Variants in GRK6 observed in about 807,000 individuals in gnomAD.
GRK6 encodes G protein-coupled receptor kinase 6.
GRK6 carries 37 observed loss-of-function variants against 80.8 expected under a neutral mutation model. That is an observed-to-expected ratio of 0.46 (90% CI 0.35 to 0.60). The LOEUF (loss-of-function observed/expected upper bound fraction) is 0.60. Ranked by LOEUF, GRK6 falls within the 20% of genes least tolerant of loss-of-function variation. The pLI is 0.00. For missense variants in GRK6, 560 were observed against 784.6 expected (o/e 0.71, Z 3.42); for synonymous variants, 295 against 320.9 (o/e 0.92, Z 0.86).
chr5:177,435,250 T>C (rs1581682617), intron 11 of GRK6, 129 bp downstream of exon 11: 2 of 664,796 alleles, frequency 3.0e-6, no homozygotes, highest in East Asian at 5.5e-5. Context: ...ATGCCGATGC[T>C]CCTCTTCTAG....
At chr5:177,430,757 T>C in intron 1 of GRK6, 115 bp from the exon 2 acceptor site, 1 of 806,968 alleles carries the variant, frequency 1.2e-6, no homozygotes, top group East Asian at 2.6e-5. Flanking sequence ...CCTGAGGTGC[T>C]GTTCTGCCTC....
rs1764465916 is a variant in GRK6, at chr5:177,441,037, G to A, written c.1661G>A (p.Arg554Lys). The change falls in exon 15 of 16, where the codon AGA (arginine) becomes AAA (lysine). Residue 554 changes from arginine (R) to lysine (K), a missense_variant. Around this residue, in one of 3 missense-constraint regions of GRK6, gnomAD observed 294 missense variants for 397.4 expected, o/e 0.74. Coordinates refer to ENST00000355472, the MANE Select transcript of GRK6 (RefSeq NM_001004106.3). ...PAPPKKGLLQ[R>K]LFSRQDCCGN... ...CCTCCTAAAAAGGGACTGCTGCAGA[G>A]ACTCTTCAGTCGCCAAGTAAGCCCC... The A allele has an allele frequency of 1.9e-6, 3 of 1,613,802 alleles. No individual in the cohort carries two copies. The highest frequency in any genetic ancestry group is 2.5e-6 in the Non-Finnish European group (3 of 1,179,956).
rs923992117 is a variant in GRK6 at position 177,428,036 on chromosome 5, C to T, written c.52+1139C>T. ...CAGCTGGGTGCTACACCTGGCACCC[C>T]GTGCCCACCAAGTGCTCTGGCGAGG... On this transcript the variant is annotated intron_variant, in intron 1 of 15. Transcript: ENST00000355472. This position sits in a 1 kb window ranked among gnomAD's most constrained non-coding sequence, Gnocchi z 4.1. Among the ~76,000 whole-genome samples, 1 of 152,234 alleles carries T rather than the reference C, an allele frequency of 6.6e-6. No individual in the cohort carries two copies. The highest frequency in any genetic ancestry group is 1.5e-5 in the Non-Finnish European group (1 of 68,036).
chr5:177,427,284 G>A (rs1763712773), intron 1 of GRK6, among the ~76,000 whole-genome samples: 1 of 152,216 alleles, frequency 6.6e-6, no homozygotes, highest in South Asian at 2.1e-4. Flanking sequence ...CTAATCCCGC[G>A]CAAAGTTGGC....
chr5:177,437,538 C>T (rs1275426227), intron 13 of GRK6, among the ~76,000 whole-genome samples: 2 of 152,194 alleles, frequency 1.3e-5, no homozygotes, highest in African/African-American at 4.8e-5. Flanking sequence ...ACCCAGCAGG[C>T]AAGAGTATCC....
chr5:177,430,788 C>A, intron 1 of GRK6, 84 bp from the exon 2 acceptor site: 2 of 1,220,928 alleles, frequency 1.6e-6, no homozygotes, highest in Non-Finnish European at 2.4e-6. Flanking sequence ...TGGCTGGGCC[C>A]TAGAGGCCGT....
intron 13 of GRK6, chr5:177,436,731 A>G: frequency 1.7e-6 from 1 of 584,740 alleles, no homozygotes; most frequent in Non-Finnish European, 3.0e-6. Context: ...TGGGGCTTGG[A>G]GCCTCTGACA....
In GRK6 at chr5:177,442,485, C is replaced by G. The variant is rs950921245; in HGVS notation, c.*695C>G. ...GCCTTCCAGCTCCCACAGCCTGGTC[C>G]CTGATACTGGGCTCTGTCCTGCAGA... On this transcript the variant is annotated 3_prime_UTR_variant, in exon 16 of 16. Transcript: ENST00000355472. 2.0e-5 allele frequency: 3 copies of G among 153,072 alleles called. No individual in the cohort carries two copies. Among genetic ancestry groups the G allele is most frequent in the African/African-American group, 7.2e-5 (3 of 41,474 alleles). 9.5% of individuals were successfully genotyped at this position (153,072 alleles called of 1,614,324 possible).
chr5:177,434,590 TAG>T (rs1303670372), intron 9 of GRK6, among the ~76,000 whole-genome samples: 1 of 152,120 alleles, frequency 6.6e-6, no homozygotes, highest in Non-Finnish European at 1.5e-5. Flanking sequence ...TCCCATTTGA[TAG>T]AGAGGAAAGG....
intron 13 of GRK6, among the ~76,000 whole-genome samples, chr5:177,439,758 C>G (rs770602763): frequency 6.6e-6 from 1 of 152,158 alleles, no homozygotes; most frequent in Non-Finnish European, 1.5e-5. Context: ...CATGTCATAG[C>G]TATGGCATCA....
intron 1 of GRK6, 102 bp downstream of exon 1, chr5:177,426,999 C>T (rs1763699376): frequency 7.3e-6 from 5 of 688,630 alleles, no homozygotes; most frequent in South Asian, 5.8e-5. Flanking sequence ...CCTAGGCCCG[C>T]GGGCCCTGCG....
At position 177,436,140 on chromosome 5, in the gene GRK6, G is replaced by A. The variant is rs376354893; in HGVS notation, c.1125G>A (p.Leu375=). The A allele has an allele frequency of 6.2e-7, 1 of 1,614,134 alleles. No homozygotes were observed. The highest frequency in any genetic ancestry group is 8.5e-7 in the Non-Finnish European group (1 of 1,180,042). The stretch of plus-strand genomic sequence containing the variant: ...ACTGGTGGGCGCTCGGCTGCCTCCT[G>A]TACGAGATGATCGCAGGCCAGTCGC... ...SPDWWALGCL[L]YEMIAGQSPF... Residue 375 remains leucine, a synonymous_variant, in exon 12 of 16, where the codon CTG becomes CTA. Transcript: ENST00000355472.
Position 177,441,160 on chromosome 5 carries a change from C to A in GRK6, c.1677+107C>A, listed in dbSNP as rs573423818. 74 of 1,503,728 alleles carry A rather than the reference C, an allele frequency of 4.9e-5. No individual in the cohort carries two copies. The East Asian group carries it at 1.7e-3, about 34-fold the overall frequency. 93.1% of individuals were successfully genotyped at this position (1,503,728 alleles called of 1,614,324 possible). The stretch of plus-strand genomic sequence containing the variant: ...GCGCTGGGAGTGGGCGTCCTCCAGT[C>A]CTGTTGTGGTGCCCAGGGTCTCTGG... On this transcript the variant is annotated intron_variant, in intron 15 of 15. Transcript: ENST00000355472.
chr5:177,436,334 T>TTGCCCCCCCCCC, intron 12 of GRK6, 53 bp downstream of exon 12: 3 of 1,556,032 alleles, frequency 1.9e-6, no homozygotes, highest in Non-Finnish European at 2.7e-6. Context: ...GATGCACCTT[T>TTGCCCCCCCCCC]CCCTCCCTCC....
chr5:177,440,904 C>T lies in GRK6; in HGVS notation c.1543-15C>T, dbSNP rs778617109. 6 of 1,613,972 alleles carry T rather than the reference C, an allele frequency of 3.7e-6. No individual in the cohort carries two copies. The South Asian group carries it at 5.5e-5, about 15-fold the overall frequency. ...GCCCTGGGGACAGCTGTCACAGCCG[C>T]CTGCTCCTCAGCAGATGGTGGAGAC... On this transcript the variant is annotated splice_polypyrimidine_tract_variant and intron_variant, in intron 14 of 15. Transcript: ENST00000355472.
intron 2 of GRK6, 116 bp downstream of exon 2, chr5:177,431,083 C>T (rs1763871142): frequency 2.5e-5 from 20 of 787,904 alleles, no homozygotes; most frequent in Non-Finnish European, 3.9e-5. Context: ...CTCCAGTGAG[C>T]AGGAGGATGA....
chr5:177,434,104 G>A lies in GRK6; in HGVS notation c.929G>A (p.Arg310Lys). The change falls in exon 9 of 16, where the codon AGG (arginine) becomes AAG (lysine). Residue 310 changes from arginine (R) to lysine (K), a missense_variant and splice_region_variant. Physicochemically the swap from Arg to Lys is conservative, Grantham distance 26 (BLOSUM62 2). This residue lies in a region of GRK6 where 294 missense variants were observed against 397.4 expected (regional missense o/e 0.74). Coordinates refer to ENST00000355472, the MANE Select transcript of GRK6 (RefSeq NM_001004106.3). ...EDLHRERIVY[R>K]DLKPENILLD... ...CTGCACCGGGAGCGCATCGTGTACAGGTGGGGAGGGCTCGGCCACCCCAGG... is the reference window on the plus strand; with the variant it reads ...CTGCACCGGGAGCGCATCGTGTACAAGTGGGGAGGGCTCGGCCACCCCAGG... The A allele has an allele frequency of 6.4e-7, 1 of 1,559,920 alleles. No individual in the cohort carries two copies. Among genetic ancestry groups the A allele is most frequent in the Non-Finnish European group, 8.7e-7 (1 of 1,153,064 alleles).
intron 4 of GRK6, 48 bp from the exon 5 acceptor site, chr5:177,432,658 G>C (rs949038510): frequency 7.7e-7 from 1 of 1,304,166 alleles, no homozygotes; most frequent in Non-Finnish European, 1.1e-6. Flanking sequence ...GAAGTGGGCA[G>C]CCATCCAAGG....
intron 13 of GRK6, among the ~76,000 whole-genome samples, chr5:177,437,936 G>A (rs558755626): frequency 4.6e-5 from 7 of 152,206 alleles, no homozygotes; most frequent in Non-Finnish European, 7.3e-5. Flanking sequence ...GCAAATAGCT[G>A]AGTGCCCATT....
Sources: gnomAD v4.1 joint callset for allele counts (sites outside exome capture counted in the v4.1 genomes callset) on GRCh38, gnomAD v4.1.1 for gene constraint, gnomAD v4.1.1 regional missense constraint, Gnocchi (gnomAD v3.1) non-coding constraint, MANE v1.5 for transcripts, NCBI Gene and HGNC (gene_info 2026-07-23, HGNC 2026-07-21) for gene names.